SNX27: variants seen among roughly 807,000 people sequenced by gnomAD.
The protein encoded by SNX27 is sorting nexin 27.
Under a neutral mutation model 71.6 loss-of-function variants are expected in SNX27, and 22 were observed. The observed-to-expected ratio is 0.31, with a 90% CI of 0.22 to 0.44. SNX27 has a LOEUF of 0.44. Ranked by LOEUF, SNX27 falls within the 20% of genes least tolerant of loss-of-function variation. SNX27 has a pLI of 1.00. For missense variants in SNX27, 531 were observed against 698.6 expected (o/e 0.76, Z 2.70); for synonymous variants, 269 against 277.2 (o/e 0.97, Z 0.29).
At chr1:151,617,086 A>G (rs1176523474) in intron 1 of SNX27, among the ~76,000 whole-genome samples, 4 of 152,160 alleles carry the variant, frequency 2.6e-5, no homozygotes, top group African/African-American at 9.7e-5. Flanking sequence ...ATTCCAACCT[A>G]AGTGGAAAAT....
At chr1:151,691,916 C>T (rs1222161970) in intron 8 of SNX27, among the ~76,000 whole-genome samples, 2 of 152,090 alleles carry the variant, frequency 1.3e-5, no homozygotes, top group Non-Finnish European at 2.9e-5. Context: ...TAAAGAATTG[C>T]TAGCCAGGCA....
chr1:151,688,491 G>T (rs1408714100), intron 8 of SNX27, among the ~76,000 whole-genome samples: 2 of 152,060 alleles, frequency 1.3e-5, no homozygotes, highest in Non-Finnish European at 2.9e-5. Flanking sequence ...AAATTGCTGG[G>T]TGTGGGGGTG....
Position 151,692,432 on chromosome 1 carries a change from T to TTTTTAA in SNX27, c.1240-3_1240-2insTTTTAA. On this transcript the variant is annotated splice_polypyrimidine_tract_variant and splice_region_variant and intron_variant, in intron 8 of 11. Coordinates refer to ENST00000458013, the MANE Select transcript of SNX27 (RefSeq NM_001330723.2). ...TTTTTTTTTTTTTTTTTTTTTTTTT[T>TTTTTAA]AGTACCTCAACATGCTAAGGACTTG... The TTTTTAA allele has an allele frequency of 2.1e-6, 3 of 1,452,042 alleles. No homozygotes were observed. Among genetic ancestry groups the TTTTTAA allele is most frequent in the Non-Finnish European group, 2.7e-6 (3 of 1,101,900 alleles). The allele number at this position is 1,452,042 out of a possible 1,614,324, so 89.9% of individuals were successfully genotyped here. A position where few individuals can be genotyped will look rare whatever the true frequency, so the allele number is the denominator to read the frequency against.
At chr1:151,658,134 T>A in intron 2 of SNX27, 101 bp from the exon 3 acceptor site, 1 of 1,069,654 alleles carries the variant, frequency 9.3e-7, no homozygotes, top group African/African-American at 1.6e-5. Context: ...GTTAAATGCA[T>A]AGCAGAATGC....
chr1:151,651,143 G>C (rs944142652), intron 2 of SNX27, among the ~76,000 whole-genome samples: 4 of 151,832 alleles, frequency 2.6e-5, no homozygotes, highest in African/African-American at 9.7e-5. Context: ...GGTGGTGGCC[G>C]GGCAGAGGGG....
chr1:151,641,103 T>C (rs1174292882), intron 2 of SNX27, among the ~76,000 whole-genome samples: 2 of 152,218 alleles, frequency 1.3e-5, no homozygotes, highest in Non-Finnish European at 2.9e-5. Flanking sequence ...ATCCTTTCAT[T>C]GTTCATGCAC....
At chr1:151,661,045 A>T (rs1669946980) in intron 4 of SNX27, 183 bp downstream of exon 4, 1 of 527,600 alleles carries the variant, frequency 1.9e-6, no homozygotes, top group Non-Finnish European at 3.4e-6. Flanking sequence ...TTTCTCTTTG[A>T]AGTGCCAGGC....
chr1:151,680,303 C>G (rs1054237287), intron 7 of SNX27: 1 of 151,920 alleles, frequency 6.6e-6, no homozygotes, highest in African/African-American at 2.4e-5. Flanking sequence ...ATTACCTGCT[C>G]CCTCCTCCAC....
intron 1 of SNX27, among the ~76,000 whole-genome samples, chr1:151,626,616 C>CACTTGA (rs1667953888): frequency 6.6e-6 from 1 of 151,916 alleles, no homozygotes; most frequent in Admixed American, 6.6e-5. Context: ...GCAGGAGAAT[C>CACTTGA]ACTTGAACTT....
intron 2 of SNX27, among the ~76,000 whole-genome samples, chr1:151,643,991 C>T (rs183813001): frequency 3.9e-5 from 6 of 152,230 alleles, no homozygotes; most frequent in Admixed American, 2.6e-4. Flanking sequence ...ACAGAGGTTG[C>T]AGTGAGCCCA....
At chr1:151,667,423 T>G (rs1387039232) in intron 6 of SNX27, among the ~76,000 whole-genome samples, 1 of 151,844 alleles carries the variant, frequency 6.6e-6, no homozygotes, top group African/African-American at 2.4e-5. Context: ...TTTTTGGAGG[T>G]GGGCGGAAAA....
In SNX27 at chr1:151,612,219, G is replaced by T; in HGVS notation, c.18G>T (p.Gly6=). 1.5e-6 allele frequency: 2 copies of T among 1,371,998 alleles called. No homozygotes were observed. The highest frequency in any genetic ancestry group is 3.7e-5 in the Admixed American group (1 of 27,294). The allele number at this position is 1,371,998 out of a possible 1,614,324, so 85.0% of individuals were successfully genotyped here. Residue 6 remains glycine, a synonymous_variant, in exon 1 of 12, where the codon GGG becomes GGT. Coordinates refer to ENST00000458013, the MANE Select transcript of SNX27 (RefSeq NM_001330723.2). This position sits in a 1 kb window ranked among gnomAD's most constrained non-coding sequence, Gnocchi z 5.2. ...CTCGCAAGATGGCGGACGAGGACGG[G>T]GAAGGGATTCATCCCTCAGCCCCTC... MADED[G]EGIHPSAPHR...
chr1:151,642,815 A>T (rs945911674), intron 2 of SNX27, among the ~76,000 whole-genome samples: 1 of 151,248 alleles, frequency 6.6e-6, no homozygotes, highest in African/African-American at 2.4e-5. Context: ...ATTTTTTTGT[A>T]TTTTTTAGTA....
chr1:151,612,690 C>G lies in SNX27; in HGVS notation c.311+178C>G, dbSNP rs1571742484. Among the ~76,000 whole-genome samples, 2 of 152,244 alleles carry G rather than the reference C, an allele frequency of 1.3e-5. No individual in the cohort carries two copies. Among genetic ancestry groups the G allele is most frequent in the East Asian group, 3.9e-4 (2 of 5,150 alleles). ...CCTTGTGGGCTGCCCTCCCACCACC[C>G]GCCCCGGGGCTTCTGCGACGCCGGT... On this transcript the variant is annotated intron_variant, in intron 1 of 11. Transcript: ENST00000458013. The surrounding 1 kb of genome is among the most constrained non-coding windows in gnomAD (Gnocchi z 5.2).
At chr1:151,657,829 CT>C (rs1443176051) in intron 2 of SNX27, among the ~76,000 whole-genome samples, 3 of 152,016 alleles carry the variant, frequency 2.0e-5, no homozygotes, top group Non-Finnish European at 2.9e-5. Flanking sequence ...GGTGAAACCC[CT>C]TCTCTACTAA....
intron 8 of SNX27, 63 bp downstream of exon 8, chr1:151,683,508 C>A: frequency 7.9e-7 from 1 of 1,267,316 alleles, no homozygotes; most frequent in South Asian, 1.3e-5. Flanking sequence ...ACCTATAGTC[C>A]TAGTCATTTT....
chr1:151,660,918 A>G (rs1669937761), intron 4 of SNX27, 56 bp downstream of exon 4: 2 of 1,328,408 alleles, frequency 1.5e-6, no homozygotes, highest in Non-Finnish European at 1.1e-6. Flanking sequence ...GTGGGGGAAA[A>G]TAAGTTAAAG....
rs536995583 is a variant in SNX27 at position 151,687,119 on chromosome 1, C to T, written c.1239+3674C>T. On this transcript the variant is annotated intron_variant, in intron 8 of 11. Transcript: ENST00000458013. ...TACAAGAAACAATGTTTTCTCTTCT[C>T]TTCCTTCCTCCCTCCCTCCCTTTCT... Among the ~76,000 whole-genome samples, 5 of 152,306 alleles carry T rather than the reference C, an allele frequency of 3.3e-5. No homozygotes were observed. The East Asian group carries it at 5.8e-4, about 18-fold the overall frequency.
At chr1:151,613,497 CT>C (rs1003514443) in intron 1 of SNX27, 3 of 152,312 alleles carry the variant, frequency 2.0e-5, no homozygotes, top group Admixed American at 6.6e-5. Context: ...GCCTCTTCTA[CT>C]CTATCCTCCT....
Sources: allele counts gnomAD v4.1 joint callset (sites outside exome capture counted in the v4.1 genomes callset), GRCh38; gene constraint gnomAD v4.1.1; non-coding constraint Gnocchi (gnomAD v3.1); transcripts MANE v1.5; gene names NCBI Gene and HGNC (gene_info 2026-07-23, HGNC 2026-07-21).